Variants in SH3GL2 observed in about 807,000 individuals in gnomAD.
The protein encoded by SH3GL2 is SH3 domain containing GRB2 like 2, endophilin A1.
In SH3GL2, 24 loss-of-function variants were observed where a neutral mutation model predicts 46.0. The observed-to-expected ratio is 0.52, with a 90% CI of 0.38 to 0.73. SH3GL2 has a LOEUF of 0.73. Ranked by LOEUF, SH3GL2 falls within the 30% of genes least tolerant of loss-of-function variation. SH3GL2 has a pLI of 0.00. For missense variants in SH3GL2, 413 were observed against 424.2 expected, an observed-to-expected ratio of 0.97 and a Z score of 0.23; for synonymous variants, 196 against 147.1, an observed-to-expected ratio of 1.33 and a Z score of -2.40.
intron 5 of SH3GL2, among the ~76,000 whole-genome samples, chr9:17,789,092 A>G (rs1282559157): frequency 6.6e-6 from 1 of 152,202 alleles, no homozygotes; most frequent in African/African-American, 2.4e-5. Flanking sequence ...TGTTTCTGTC[A>G]TGGGCTGCAA....
At chr9:17,734,141 A>G (rs111226846) in intron 1 of SH3GL2, among the ~76,000 whole-genome samples, 2,161 of 152,204 alleles carry the variant, frequency 0.014, 58 homozygotes, top group African/African-American at 0.049. Flanking sequence ...CCGCAGGCAC[A>G]TTATTTTGCT....
chr9:17,692,686 G>C (rs1293009477), intron 1 of SH3GL2, among the ~76,000 whole-genome samples: 1 of 152,034 alleles, frequency 6.6e-6, no homozygotes, highest in Non-Finnish European at 1.5e-5. Flanking sequence ...GCTAGGAGGG[G>C]CAGAGGTGGA....
intron 1 of SH3GL2, among the ~76,000 whole-genome samples, chr9:17,673,644 G>C (rs7047538): frequency 0.99 from 150,906 of 152,322 alleles, 74,767 homozygotes; most frequent in Middle Eastern, 1. Context: ...TGATCTCCTT[G>C]TCCATCTTGA....
chr9:17,751,481 T>TGTGC (rs1554646600), intron 2 of SH3GL2, among the ~76,000 whole-genome samples: 26 of 89,090 alleles, frequency 2.9e-4, no homozygotes, highest in Admixed American at 8.1e-4. Flanking sequence ...TGTGTGTGCG[T>TGTGC]GTGTGTGTGT....
At chr9:17,737,571 G>T (rs1047985141) in intron 1 of SH3GL2, among the ~76,000 whole-genome samples, 3 of 151,976 alleles carry the variant, frequency 2.0e-5, no homozygotes, top group Non-Finnish European at 4.4e-5. Flanking sequence ...TGTTTCAGCC[G>T]CACCCTACTG....
Position 17,725,404 on chromosome 9 carries a change from T to C in SH3GL2, c.46-21662T>C, listed in dbSNP as rs574294841. ...ACCGTTTCACTTATTGTTACTGTTATCATGAAGCTACCAGGCCCTGCATAA... is the reference window on the plus strand; with the variant it reads ...ACCGTTTCACTTATTGTTACTGTTACCATGAAGCTACCAGGCCCTGCATAA... On this transcript the variant is annotated intron_variant, in intron 1 of 8. Transcript: ENST00000380607. Among the ~76,000 whole-genome samples the C allele has an allele frequency of 8.1e-4, 124 of 152,252 alleles. 2 individuals carry two copies. The highest frequency in any genetic ancestry group is 6.8e-3 in the Middle Eastern group (2 of 294).
In SH3GL2 at chr9:17,751,479, C is replaced by CATGTGTGT. The variant is rs1199309444; in HGVS notation, c.114+4345_114+4346insATGTGTGT. Among the ~76,000 whole-genome samples the CATGTGTGT allele has an allele frequency of 3.4e-5, 5 of 146,474 alleles. 1 individual carries two copies. Among genetic ancestry groups the CATGTGTGT allele is most frequent in the African/African-American group, 1.3e-4 (5 of 39,496 alleles). ...TTTGGTGTGTGTGTTTTTGTGTGTG[C>CATGTGTGT]GTGTGTGTGTGTGTGTGTGTGTGTG... On this transcript the variant is annotated intron_variant, in intron 2 of 8. Coordinates refer to ENST00000380607, the MANE Select transcript of SH3GL2 (RefSeq NM_003026.5).
chr9:17,715,433 A>G (rs61208965), intron 1 of SH3GL2, among the ~76,000 whole-genome samples: 15,591 of 151,600 alleles, frequency 0.1, 2,638 homozygotes, highest in African/African-American at 0.35. Context: ...TCTCTCCCTC[A>G]TGAACTTCAC....
chr9:17,654,324 G>A (rs1477601737), intron 1 of SH3GL2, among the ~76,000 whole-genome samples: 1 of 152,114 alleles, frequency 6.6e-6, no homozygotes, highest in African/African-American at 2.4e-5. Context: ...GGTTTTCTGT[G>A]CTGCTTCCCC....
chr9:17,791,619 G>T (rs1056234802), intron 7 of SH3GL2, among the ~76,000 whole-genome samples: 1 of 152,172 alleles, frequency 6.6e-6, no homozygotes, highest in South Asian at 2.1e-4. Context: ...GATGCCATTT[G>T]CTGAGCAGTT....
intron 1 of SH3GL2, among the ~76,000 whole-genome samples, chr9:17,629,466 G>A (rs1331016657): frequency 6.6e-6 from 1 of 152,062 alleles, no homozygotes; most frequent in African/African-American, 2.4e-5. Context: ...TTCACAAATT[G>A]CTAACATACT....
chr9:17,587,765 C>G (rs2134541923), intron 1 of SH3GL2, among the ~76,000 whole-genome samples: 1 of 152,240 alleles, frequency 6.6e-6, no homozygotes, highest in South Asian at 2.1e-4. Context: ...GTAGTCCCAG[C>G]TACTCGGGAG....
At chr9:17,658,574 C>T (rs1820143873) in intron 1 of SH3GL2, among the ~76,000 whole-genome samples, 1 of 152,194 alleles carries the variant, frequency 6.6e-6, no homozygotes, top group Admixed American at 6.5e-5. Flanking sequence ...AATACAAAAG[C>T]ATAAAATAAC....
intron 1 of SH3GL2, among the ~76,000 whole-genome samples, chr9:17,697,933 A>G (rs956240915): frequency 6.6e-6 from 1 of 152,174 alleles, no homozygotes; most frequent in Non-Finnish European, 1.5e-5. Flanking sequence ...AATCTCTGGG[A>G]GCTAGAAAAT....
chr9:17,659,832 C>T (rs147598432), intron 1 of SH3GL2, among the ~76,000 whole-genome samples: 166 of 152,252 alleles, frequency 1.1e-3, no homozygotes, highest in African/African-American at 3.9e-3. Context: ...TGCTTGAGAG[C>T]GCTTCATCAC....
intron 1 of SH3GL2, among the ~76,000 whole-genome samples, chr9:17,736,387 A>G (rs1008806295): frequency 5.3e-5 from 8 of 152,084 alleles, no homozygotes; most frequent in Non-Finnish European, 8.8e-5. Flanking sequence ...TATTTCCTCC[A>G]TAGAGAAGTC....
At chr9:17,632,685 A>G (rs1819459199) in intron 1 of SH3GL2, among the ~76,000 whole-genome samples, 1 of 152,148 alleles carries the variant, frequency 6.6e-6, no homozygotes, top group South Asian at 2.1e-4. Context: ...ATTCTGTTTT[A>G]TACTTGTAGA....
intron 1 of SH3GL2, among the ~76,000 whole-genome samples, chr9:17,681,114 A>G (rs1157615265): frequency 6.6e-6 from 1 of 152,194 alleles, no homozygotes; most frequent in African/African-American, 2.4e-5. Context: ...CCATGCTTCT[A>G]GAAGCTTTCA....
At chr9:17,707,025 C>G (rs910009852) in intron 1 of SH3GL2, among the ~76,000 whole-genome samples, 7 of 152,008 alleles carry the variant, frequency 4.6e-5, no homozygotes, top group African/African-American at 1.2e-4. Context: ...CCTTACACTG[C>G]TAACCAGTGG....
Sources: allele counts gnomAD v4.1 joint callset (sites outside exome capture counted in the v4.1 genomes callset), GRCh38; gene constraint gnomAD v4.1.1; transcripts MANE v1.5; gene names NCBI Gene and HGNC (gene_info 2026-07-23, HGNC 2026-07-21).